The following GALNTL6 variants were observed in gnomAD, a reference collection of about 807,000 sequenced individuals.
GALNTL6 encodes polypeptide N-acetylgalactosaminyltransferase-like 6.
Under a neutral mutation model 73.7 loss-of-function variants are expected in GALNTL6, and 46 were observed. The ratio of observed to expected loss-of-function variants is 0.62; its 90% CI spans 0.49 to 0.80. The LOEUF (loss-of-function observed/expected upper bound fraction) is 0.80, where lower values mean the gene tolerates loss of function less well. GALNTL6 is among the 30% of genes least tolerant of loss of function. GALNTL6 has a pLI of 0.00. For missense variants in GALNTL6, 604 were observed against 755.0 expected, an observed-to-expected ratio of 0.80 and a Z score of 2.34; for synonymous variants, 259 against 263.7, an observed-to-expected ratio of 0.98 and a Z score of 0.17.
At chr4:172,591,527 A>C (rs1029748069) in intron 5 of GALNTL6, among the ~76,000 whole-genome samples, 3 of 152,244 alleles carry the variant, frequency 2.0e-5, no homozygotes, top group Non-Finnish European at 4.4e-5. Context: ...GTTTCTGAAA[A>C]ATGAATGTGT....
intron 7 of GALNTL6, among the ~76,000 whole-genome samples, chr4:172,823,099 C>G (rs1053332552): frequency 6.6e-6 from 1 of 152,176 alleles, no homozygotes; most frequent in African/African-American, 2.4e-5. Flanking sequence ...CCCTTCCCAG[C>G]ACCTGAAGTT....
rs1578956695 is a variant in GALNTL6 at position 171,903,812 on chromosome 4, GCCT to G, written c.138+89099_138+89101del. ...CTGGAGATCTGAGAACGGGCAGACT[GCCT>G]CCTCAAGTGGGTCCCTGACCCCTGA... On this transcript the variant is annotated intron_variant, in intron 2 of 12. Transcript: ENST00000506823. 2.0e-5 allele frequency among the ~76,000 whole-genome samples: 3 copies of G among 152,184 alleles called. No individual in the cohort carries two copies. In the East Asian group the frequency reaches 5.8e-4, roughly 30 times the overall value.
chr4:172,832,896 C>T (rs1742713447), intron 7 of GALNTL6, among the ~76,000 whole-genome samples: 1 of 152,308 alleles, frequency 6.6e-6, no homozygotes, highest in Middle Eastern at 3.4e-3. Context: ...AACAGCTCTG[C>T]CATCAGAAAG....
intron 3 of GALNTL6, among the ~76,000 whole-genome samples, chr4:172,236,573 A>AAT: frequency 6.6e-6 from 1 of 150,954 alleles, no homozygotes; most frequent in South Asian, 2.1e-4. Flanking sequence ...AAAAAAAAAA[A>AAT]GTATATTAGC....
At chr4:172,589,890 C>T (rs562318089) in intron 5 of GALNTL6, among the ~76,000 whole-genome samples, 19 of 152,162 alleles carry the variant, frequency 1.2e-4, no homozygotes, top group African/African-American at 4.1e-4. Flanking sequence ...AAATTTACTA[C>T]TTCTGAGAAT....
chr4:172,880,893 A>G (rs942100370), intron 7 of GALNTL6, among the ~76,000 whole-genome samples: 3 of 152,162 alleles, frequency 2.0e-5, no homozygotes, highest in African/African-American at 4.8e-5. Context: ...TCGTTAAGAA[A>G]ACAAGATTAT....
chr4:172,239,331 A>G (rs1245186945), intron 3 of GALNTL6, among the ~76,000 whole-genome samples: 1 of 152,088 alleles, frequency 6.6e-6, no homozygotes, highest in Non-Finnish European at 1.5e-5. Flanking sequence ...AATAGGTTGT[A>G]TGTTCCAGAA....
At chr4:172,340,814 G>A (rs1266191380) in intron 4 of GALNTL6, among the ~76,000 whole-genome samples, 2 of 152,266 alleles carry the variant, frequency 1.3e-5, no homozygotes, top group African/African-American at 2.4e-5. Flanking sequence ...GATAGGTATT[G>A]TTTCCTCTAA....
chr4:172,657,365 C>T (rs947627208), intron 5 of GALNTL6, among the ~76,000 whole-genome samples: 1 of 152,136 alleles, frequency 6.6e-6, no homozygotes, highest in Admixed American at 6.5e-5. Flanking sequence ...TTACGCAATA[C>T]AGAAGAAATT....
chr4:172,944,894 A>T (rs956221627), intron 9 of GALNTL6, among the ~76,000 whole-genome samples: 1 of 151,476 alleles, frequency 6.6e-6, no homozygotes, highest in Non-Finnish European at 1.5e-5. Flanking sequence ...CGTCTCTACT[A>T]AAAAAAATAC....
Position 172,397,933 on chromosome 4 carries a change from A to G in GALNTL6, c.553+49244A>G, listed in dbSNP as rs77072076. 7.4e-3 allele frequency among the ~76,000 whole-genome samples: 1,120 copies of G among 152,208 alleles called. 14 individuals carry two copies. The highest frequency in any genetic ancestry group is 0.025 in the African/African-American group (1,056 of 41,538). ...AATTGTTGCCAGTATAGTACAAGCTAAAAGTCTTTCTTTTTTTTTACTTTT... is the reference window on the plus strand; with the variant it reads ...AATTGTTGCCAGTATAGTACAAGCTGAAAGTCTTTCTTTTTTTTTACTTTT... On this transcript the variant is annotated intron_variant, in intron 5 of 12. Transcript: ENST00000506823.
intron 5 of GALNTL6, among the ~76,000 whole-genome samples, chr4:172,803,508 G>A (rs1740778275): frequency 6.6e-6 from 1 of 152,132 alleles, no homozygotes; most frequent in Non-Finnish European, 1.5e-5. Context: ...AAAAAGTTTG[G>A]GGACCACTTA....
At chr4:172,589,175 A>G (rs1176035707) in intron 5 of GALNTL6, among the ~76,000 whole-genome samples, 1 of 152,180 alleles carries the variant, frequency 6.6e-6, no homozygotes, top group Non-Finnish European at 1.5e-5. Flanking sequence ...GATATAATGT[A>G]TAATAATAAA....
chr4:173,002,163 G>A (rs1752071216), intron 10 of GALNTL6, among the ~76,000 whole-genome samples: 1 of 152,136 alleles, frequency 6.6e-6, no homozygotes. Flanking sequence ...AGGCAGAGGT[G>A]GGCAGATCAA....
intron 10 of GALNTL6, among the ~76,000 whole-genome samples, chr4:173,002,068 G>GTTCACAGAAGCATTA (rs1282289240): frequency 2.6e-5 from 4 of 152,228 alleles, no homozygotes; most frequent in Non-Finnish European, 4.4e-5. Flanking sequence ...ACATGCCAGT[G>GTTCACAGAAGCATTA]TTCACAGAAG....
chr4:172,456,824 A>G (rs1205882554), intron 5 of GALNTL6, among the ~76,000 whole-genome samples: 1 of 152,186 alleles, frequency 6.6e-6, no homozygotes, highest in Non-Finnish European at 1.5e-5. Flanking sequence ...AAGGCAGGCC[A>G]ACATTCAAAT....
chr4:172,987,224 G>A (rs949567690), intron 10 of GALNTL6, among the ~76,000 whole-genome samples: 2 of 152,132 alleles, frequency 1.3e-5, no homozygotes, highest in Non-Finnish European at 2.9e-5. Flanking sequence ...TAGACTCACA[G>A]TTCAGCATGG....
At chr4:172,037,588 C>T (rs1741966534) in intron 2 of GALNTL6, among the ~76,000 whole-genome samples, 1 of 152,092 alleles carries the variant, frequency 6.6e-6, no homozygotes, top group East Asian at 1.9e-4. Context: ...CTGTCTGTGC[C>T]CTGAATGCTG....
chr4:172,617,934 A>G (rs1347911303), intron 5 of GALNTL6, among the ~76,000 whole-genome samples: 1 of 152,176 alleles, frequency 6.6e-6, no homozygotes, highest in Admixed American at 6.5e-5. Flanking sequence ...AGTTGCTCCA[A>G]CATGCACCTC....
Sources: gnomAD v4.1 joint callset for allele counts (sites outside exome capture counted in the v4.1 genomes callset) on GRCh38, gnomAD v4.1.1 for gene constraint, MANE v1.5 for transcripts, NCBI Gene and HGNC (gene_info 2026-07-23, HGNC 2026-07-21) for gene names.